PLA2G4B: variants seen among roughly 807,000 people sequenced by gnomAD.
The protein encoded by PLA2G4B is cytosolic phospholipase A2 beta.
In PLA2G4B, 122 loss-of-function variants were observed where a neutral mutation model predicts 95.8. The ratio of observed to expected loss-of-function variants is 1.27; its 90% CI spans 1.10 to 1.48. The LOEUF (loss-of-function observed/expected upper bound fraction) is 1.48. PLA2G4B is among the 40% of genes most tolerant of loss of function. The probability of loss-of-function intolerance (pLI) is 0.00; values close to 1 mark genes in which losing one functional copy is unlikely to be tolerated. For synonymous variants in PLA2G4B, 518 were observed against 421.5 expected, an observed-to-expected ratio of 1.23 and a Z score of -2.80; for missense variants, 1,158 against 996.2, an observed-to-expected ratio of 1.16 and a Z score of -2.19.
chr15:41,840,242 C>G lies in PLA2G4B; in HGVS notation c.82+12C>G, dbSNP rs2065401323. On this transcript the variant is annotated intron_variant, in intron 2 of 19. Coordinates refer to ENST00000458483, the MANE Select transcript of PLA2G4B (RefSeq NM_001114633.2). ...CTCTAAGGACCTAGGTGAGTGCGCA[C>G]CGCCCTGGCCCCTGTGCTGGGCTGA... The G allele has an allele frequency of 8.7e-6, 14 of 1,612,344 alleles. No individual in the cohort carries two copies. Among genetic ancestry groups the G allele is most frequent in the Non-Finnish European group, 1.2e-5 (14 of 1,179,958 alleles).
rs963470200 is a variant in PLA2G4B at position 41,847,915 on chromosome 15, C to G, written c.*55C>G. 2.9e-5 allele frequency: 46 copies of G among 1,560,182 alleles called. No homozygotes were observed. Among genetic ancestry groups the G allele is most frequent in the Non-Finnish European group, 3.9e-5 (45 of 1,157,412 alleles). ...CATTCATTCCCTGGCTGCTGAGTTG[C>G]AGGTGGGAACTGTCATCACGCAGTG... On this transcript the variant is annotated 3_prime_UTR_variant, in exon 20 of 20. Coordinates refer to ENST00000458483, the MANE Select transcript of PLA2G4B (RefSeq NM_001114633.2).
intron 4 of PLA2G4B, 52 bp downstream of exon 4, chr15:41,840,957 C>T: frequency 6.3e-7 from 1 of 1,596,330 alleles, no homozygotes; most frequent in South Asian, 1.1e-5. Flanking sequence ...TTGAAATCTC[C>T]ACGCGCACAC....
At chr15:41,839,225 C>T (rs890595375) in intron 1 of PLA2G4B, 8 of 300,522 alleles carry the variant, frequency 2.7e-5, no homozygotes, top group African/African-American at 1.3e-4. Flanking sequence ...GCAAGTGGCT[C>T]CTCCATGCTC....
In PLA2G4B at chr15:41,845,942, G is replaced by C; in HGVS notation, c.1496-1G>C. ...CTCTTCCCTCACGGCCGCTCTTTCA[G>C]GTATCTGGAGCAACCTGTATGCAGC... On this transcript the variant is annotated splice_acceptor_variant, in intron 15 of 19. Coordinates refer to ENST00000458483, the MANE Select transcript of PLA2G4B (RefSeq NM_001114633.2). LOFTEE classifies it high-confidence loss of function. The C allele has an allele frequency of 6.6e-7, 1 of 1,514,916 alleles. No homozygotes were observed. Among genetic ancestry groups the C allele is most frequent in the East Asian group, 2.3e-5 (1 of 43,944 alleles). The allele number at this position is 1,514,916 out of a possible 1,614,324, so 93.8% of individuals were successfully genotyped here. A position where few individuals can be genotyped will look rare whatever the true frequency, so the allele number is the denominator to read the frequency against.
chr15:41,846,961 T>A, intron 18 of PLA2G4B, 126 bp downstream of exon 18: 2 of 1,292,618 alleles, frequency 1.5e-6, no homozygotes, highest in Non-Finnish European at 1.0e-6. Flanking sequence ...ACTGGAATCT[T>A]AATTTGCCAC....
chr15:41,839,773 G>A, intron 1 of PLA2G4B: 1 of 224,978 alleles, frequency 4.4e-6, no homozygotes, highest in Middle Eastern at 4.5e-4. Context: ...AAGCAGGTCT[G>A]TGTGAGGCAT....
chr15:41,838,964 GTCTC>G, intron 1 of PLA2G4B, 42 bp downstream of exon 1: 3 of 1,517,400 alleles, frequency 2.0e-6, no homozygotes, highest in Non-Finnish European at 2.7e-6. Flanking sequence ...GGGACCCCTG[GTCTC>G]TACCTGGGGC....
chr15:41,840,959 C>T lies in PLA2G4B; in HGVS notation c.351+54C>T, dbSNP rs560126558. ...GCTGGTGTCTGGGTTGAAATCTCCA[C>T]GCGCACACATGCACACACACGCATG... On this transcript the variant is annotated intron_variant, in intron 4 of 19. Transcript: ENST00000458483. 87 of 1,596,066 alleles carry T rather than the reference C, an allele frequency of 5.5e-5. No individual in the cohort carries two copies. In the African/African-American group the frequency reaches 5.6e-4, roughly 10 times the overall value.
At position 41,842,291 on chromosome 15, in the gene PLA2G4B, G is replaced by A; in HGVS notation, c.705+15G>A. 6.2e-7 allele frequency: 1 copy of A among 1,613,638 alleles called. No individual in the cohort carries two copies. Among genetic ancestry groups the A allele is most frequent in the Non-Finnish European group, 8.5e-7 (1 of 1,179,876 alleles). On this transcript the variant is annotated intron_variant, in intron 9 of 19. Coordinates refer to ENST00000458483, the MANE Select transcript of PLA2G4B (RefSeq NM_001114633.2). ...CCACGTCCCAGGTACTGGCCTCCCA[G>A]GGAAGGAAGCAAGGCGCCTGGATGG...
intron 10 of PLA2G4B, 156 bp downstream of exon 10, chr15:41,842,747 T>TCCTCCCAGTACTTC: frequency 5.0e-6 from 6 of 1,191,060 alleles, no homozygotes; most frequent in Non-Finnish European, 6.9e-6. Context: ...CACGAAGTAC[T>TCCTCCCAGTACTTC]GGGAGGAGTA....
Position 41,846,126 on chromosome 15 carries a change from T to C in PLA2G4B, c.1601-77T>C, listed in dbSNP as rs779330246. The C allele has an allele frequency of 1.3e-5, 20 of 1,583,078 alleles. No homozygotes were observed. The East Asian group carries it at 4.3e-4, about 34-fold the overall frequency. ...CACCAGGGGGCGGGGGGTTCACACCTCTTCCCCCTCCAGGGTCACCACCAA... is the reference window on the plus strand; with the variant it reads ...CACCAGGGGGCGGGGGGTTCACACCCCTTCCCCCTCCAGGGTCACCACCAA... On this transcript the variant is annotated intron_variant, in intron 16 of 19. Coordinates refer to ENST00000458483, the MANE Select transcript of PLA2G4B (RefSeq NM_001114633.2).
At chr15:41,844,178 G>C (rs931780297) in intron 11 of PLA2G4B, among the ~76,000 whole-genome samples, 2 of 152,238 alleles carry the variant, frequency 1.3e-5, no homozygotes, top group South Asian at 2.1e-4. Context: ...GGAAAATTCT[G>C]AGGCGGGCCC....
chr15:41,847,385 C>A lies in PLA2G4B; in HGVS notation c.1996C>A (p.Pro666Thr). Residue 666 changes from proline to threonine, a missense_variant, in exon 19 of 20, where the codon CCA (proline) becomes ACA (threonine). Pro to Thr is a conservative substitution (Grantham distance 38). Coordinates refer to ENST00000458483, the MANE Select transcript of PLA2G4B (RefSeq NM_001114633.2). ...RFCQEQGIPF[P>T]PISPSPEEQL... The stretch of plus-strand genomic sequence containing the variant: ...CTGCCAGGAGCAGGGGATCCCGTTC[C>A]CACCCATCTCGCCCAGCCCCGAAGA... The A allele has an allele frequency of 6.2e-7, 1 of 1,612,126 alleles. No homozygotes were observed.
rs912015805 is a variant in PLA2G4B, at chr15:41,842,332, C to T, written c.705+56C>T. On this transcript the variant is annotated intron_variant, in intron 9 of 19. Transcript: ENST00000458483. Reference sequence around the variant, plus strand: ...GCCTGGATGGGGCTGGGACCCAGGCCACAAAGGGAGGGGCCTGCTTCCCGC... The same window carrying T: ...GCCTGGATGGGGCTGGGACCCAGGCTACAAAGGGAGGGGCCTGCTTCCCGC... 5.0e-6 allele frequency: 8 copies of T among 1,604,344 alleles called. No individual in the cohort carries two copies. The African/African-American group carries it at 1.1e-4, about 22-fold the overall frequency.
chr15:41,840,591 C>T lies in PLA2G4B; in HGVS notation c.150C>T (p.Arg50=). The part of the protein sequence containing the change: ...PTACSHRLQT[R]TVKNSSSPVW... ...CCTGCAGCCACAGGCTCCAGACACG[C>T]ACGGTCAAGAACAGCAGTAGCCCTG... The change falls in exon 3 of 20, where the codon CGC becomes CGT. Residue 50 remains arginine (R), a synonymous_variant. Coordinates refer to ENST00000458483, the MANE Select transcript of PLA2G4B (RefSeq NM_001114633.2). 6 of 1,614,034 alleles carry T rather than the reference C, an allele frequency of 3.7e-6. No homozygotes were observed. In the South Asian group the frequency reaches 6.6e-5, roughly 18 times the overall value.
intron 18 of PLA2G4B, 110 bp downstream of exon 18, chr15:41,846,945 T>C: frequency 7.3e-7 from 1 of 1,367,948 alleles, no homozygotes. Flanking sequence ...GAGCTGTGAT[T>C]GGGACACTGG....
chr15:41,838,964 G>A (rs770620693), intron 1 of PLA2G4B, 42 bp downstream of exon 1: 7 of 1,517,344 alleles, frequency 4.6e-6, no homozygotes, highest in Non-Finnish European at 6.3e-6. Flanking sequence ...GGGACCCCTG[G>A]TCTCTACCTG....
rs1423339951 is a variant in PLA2G4B at position 41,841,968 on chromosome 15, T to C, written c.621+19T>C. 1 of 1,603,794 alleles carries C rather than the reference T, an allele frequency of 6.2e-7. No individual in the cohort carries two copies. The highest frequency in any genetic ancestry group is 2.2e-5 in the East Asian group (1 of 44,680). ...CCTGCAGGTAGTGTGCCTCGCTCCCTCGAGGTGGGGCCCCCAGAACTTCCT... is the reference window on the plus strand; with the variant it reads ...CCTGCAGGTAGTGTGCCTCGCTCCCCCGAGGTGGGGCCCCCAGAACTTCCT... On this transcript the variant is annotated intron_variant, in intron 8 of 19. Coordinates refer to ENST00000458483, the MANE Select transcript of PLA2G4B (RefSeq NM_001114633.2).
In PLA2G4B at chr15:41,841,437, C is replaced by G. The variant is rs79940523; in HGVS notation, c.436-80C>G. The G allele has an allele frequency of 2.2e-3, 3,591 of 1,610,512 alleles. 62 individuals are homozygous for G. In the African/African-American group the frequency reaches 0.044, roughly 20 times the overall value. Reference sequence around the variant, plus strand: ...GCCCAGGTAATGAAGTGCAGACCAGCAGCAGCCAGGGTGCTGCGAGGGTGG... The same window carrying G: ...GCCCAGGTAATGAAGTGCAGACCAGGAGCAGCCAGGGTGCTGCGAGGGTGG... On this transcript the variant is annotated intron_variant, in intron 6 of 19. Transcript: ENST00000458483.
Sources: gnomAD v4.1 joint callset for allele counts (sites outside exome capture counted in the v4.1 genomes callset) on GRCh38, gnomAD v4.1.1 for gene constraint, MANE v1.5 for transcripts, NCBI Gene and HGNC (gene_info 2026-07-23, HGNC 2026-07-21) for gene names.